The following PPFIA2 variants were observed in gnomAD, a reference collection of about 807,000 sequenced individuals.
The protein encoded by PPFIA2 is PPFI scaffold protein A2.
In PPFIA2, 46 loss-of-function variants were observed where a neutral mutation model predicts 175.5. The ratio of observed to expected loss-of-function variants is 0.26; its 90% CI spans 0.21 to 0.34. The LOEUF is 0.34. Ranked by LOEUF, PPFIA2 falls within the 10% of genes least tolerant of loss-of-function variation. PPFIA2 has a pLI of 1.00. For synonymous variants in PPFIA2, 568 were observed against 511.4 expected (o/e 1.11, Z -1.49); for missense variants, 1,179 against 1,506.1 (o/e 0.78, Z 3.60).
At chr12:81,290,802 T>C (rs1430578737) in intron 24 of PPFIA2, among the ~76,000 whole-genome samples, 1 of 151,766 alleles carries the variant, frequency 6.6e-6, no homozygotes, top group East Asian at 1.9e-4. Flanking sequence ...TACACAAATA[T>C]AGCAATGGAA....
chr12:81,615,474 T>C (rs1226775559), intron 4 of PPFIA2, among the ~76,000 whole-genome samples: 1 of 152,164 alleles, frequency 6.6e-6, no homozygotes, highest in Non-Finnish European at 1.5e-5. Flanking sequence ...GAGGCCCTAG[T>C]GGATTCCAAC....
intron 4 of PPFIA2, among the ~76,000 whole-genome samples, chr12:81,547,031 C>A (rs1011316502): frequency 1.3e-5 from 2 of 151,918 alleles, no homozygotes; most frequent in African/African-American, 2.4e-5. Flanking sequence ...TAGGGGTGGG[C>A]GTACTGGAAG....
chr12:81,627,856 G>T (rs1316178793), intron 4 of PPFIA2, among the ~76,000 whole-genome samples: 2 of 151,928 alleles, frequency 1.3e-5, no homozygotes, highest in Non-Finnish European at 2.9e-5. Flanking sequence ...TGCTTCGAGG[G>T]TTTGTTAACA....
At chr12:81,549,293 T>A (rs994472004) in intron 4 of PPFIA2, among the ~76,000 whole-genome samples, 1 of 152,040 alleles carries the variant, frequency 6.6e-6, no homozygotes, top group Non-Finnish European at 1.5e-5. Context: ...TCACTATTAT[T>A]CATAATTAGA....
At chr12:81,385,354 T>A (rs1387601662) in intron 8 of PPFIA2, among the ~76,000 whole-genome samples, 1 of 152,180 alleles carries the variant, frequency 6.6e-6, no homozygotes, top group Non-Finnish European at 1.5e-5. Context: ...CTTCTGGGTA[T>A]ATAACCAAAG....
At chr12:81,487,121 C>A (rs1426438990) in intron 4 of PPFIA2, among the ~76,000 whole-genome samples, 2 of 151,850 alleles carry the variant, frequency 1.3e-5, no homozygotes, top group African/African-American at 4.8e-5. Flanking sequence ...AGCTTTGGAG[C>A]ATCTGGAACC....
chr12:81,654,287 A>G (rs2067456083), intron 4 of PPFIA2, among the ~76,000 whole-genome samples: 1 of 151,934 alleles, frequency 6.6e-6, no homozygotes, highest in African/African-American at 2.4e-5. Context: ...TTTTTTTCTT[A>G]GGCTGAGAGA....
intron 4 of PPFIA2, among the ~76,000 whole-genome samples, chr12:81,499,575 T>C (rs1175461803): frequency 6.6e-6 from 1 of 152,182 alleles, no homozygotes; most frequent in Non-Finnish European, 1.5e-5. Context: ...TGTACTGTGC[T>C]AAACACTTTT....
intron 4 of PPFIA2, among the ~76,000 whole-genome samples, chr12:81,549,500 T>TA (rs1165640581): frequency 6.6e-6 from 1 of 151,996 alleles, no homozygotes; most frequent in African/African-American, 2.4e-5. Context: ...GCTGTCCCCA[T>TA]ATCATGGCCT....
Position 81,392,993 on chromosome 12 carries a change from T to C in PPFIA2, c.763-8749A>G, listed in dbSNP as rs146625003. On this transcript the variant is annotated intron_variant, in intron 8 of 32. Coordinates refer to ENST00000549396, the MANE Select transcript of PPFIA2 (RefSeq NM_003625.5). The stretch of plus-strand genomic sequence containing the variant: ...TCCACCATTGTCACCCTTGTCTGGG[T>C]CATCTACTCTCCTTTGAATTACTGT... Among the ~76,000 whole-genome samples, 21 of 152,152 alleles carry C rather than the reference T, an allele frequency of 1.4e-4. No homozygotes were observed. In the East Asian group the frequency reaches 4.1e-3, roughly 29 times the overall value.
At chr12:81,261,057 T>C (rs1399858354) in intron 32 of PPFIA2, 2 of 152,184 alleles carry the variant, frequency 1.3e-5, no homozygotes, top group African/African-American at 4.8e-5. Flanking sequence ...TATGGTTACA[T>C]AGGAAGGTTT....
chr12:81,734,846 G>T (rs766919788), intron 3 of PPFIA2, among the ~76,000 whole-genome samples: 1 of 151,714 alleles, frequency 6.6e-6, no homozygotes, highest in Non-Finnish European at 1.5e-5. Flanking sequence ...ACCTCCAGCC[G>T]TAGGCAAACT....
chr12:81,598,053 T>C (rs2059429525), intron 4 of PPFIA2: 1 of 1,534,546 alleles, frequency 6.5e-7, no homozygotes, highest in Non-Finnish European at 8.7e-7. Flanking sequence ...TGAGACAATA[T>C]AATCCACAAG....
At chr12:81,504,551 G>A (rs1425778867) in intron 4 of PPFIA2, among the ~76,000 whole-genome samples, 1 of 152,166 alleles carries the variant, frequency 6.6e-6, no homozygotes, top group Non-Finnish European at 1.5e-5. Flanking sequence ...TGGTGGGAGT[G>A]TAAACTAGTT....
intron 4 of PPFIA2, among the ~76,000 whole-genome samples, chr12:81,523,670 G>A (rs2063417379): frequency 6.6e-6 from 1 of 151,876 alleles, no homozygotes; most frequent in African/African-American, 2.4e-5. Flanking sequence ...TCTGTACACT[G>A]TGCTGCCAAA....
At chr12:81,701,585 C>A (rs376317456) in intron 3 of PPFIA2, among the ~76,000 whole-genome samples, 1 of 152,016 alleles carries the variant, frequency 6.6e-6, no homozygotes, top group East Asian at 1.9e-4. Context: ...TATGTAACCT[C>A]TTTATTTATC....
intron 4 of PPFIA2, among the ~76,000 whole-genome samples, chr12:81,492,690 G>A (rs1444134467): frequency 6.6e-6 from 1 of 152,036 alleles, no homozygotes; most frequent in African/African-American, 2.4e-5. Context: ...AGGTAACTTA[G>A]GACTCAAGTA....
At chr12:81,578,292 G>A (rs1379316972) in intron 4 of PPFIA2, among the ~76,000 whole-genome samples, 2 of 151,668 alleles carry the variant, frequency 1.3e-5, no homozygotes, top group African/African-American at 2.4e-5. Flanking sequence ...TCTACACAAA[G>A]GCAGACATAT....
Position 81,642,810 on chromosome 12 carries a change from T to TATGTATGTATATATTATA in PPFIA2, c.303+33980_303+33981insTATAATATATACATACAT, listed in dbSNP as rs1555549952. On this transcript the variant is annotated intron_variant, in intron 4 of 32. Coordinates refer to ENST00000549396, the MANE Select transcript of PPFIA2 (RefSeq NM_003625.5). The stretch of plus-strand genomic sequence containing the variant: ...ACATACATGTATATGTATGTATGTA[T>TATGTATGTATATATTATA]TACATACATGTATATGTATGTATGT... 2.1e-3 allele frequency among the ~76,000 whole-genome samples: 52 copies of TATGTATGTATATATTATA among 24,680 alleles called. 17 individuals carry two copies. Among genetic ancestry groups the TATGTATGTATATATTATA allele is most frequent in the Admixed American group, 4.9e-3 (8 of 1,622 alleles). 16.2% of individuals were successfully genotyped at this position (24,680 alleles called of 152,430 possible).
Sources: allele counts gnomAD v4.1 joint callset (sites outside exome capture counted in the v4.1 genomes callset), GRCh38; gene constraint gnomAD v4.1.1; transcripts MANE v1.5; gene names NCBI Gene and HGNC (gene_info 2026-07-23, HGNC 2026-07-21).